The following KCNK13 variants were observed in gnomAD, a reference collection of about 807,000 sequenced individuals.
KCNK13 encodes the protein potassium channel subfamily K member 13.
Under a neutral mutation model 23.4 loss-of-function variants are expected in KCNK13, and 12 were observed. That is an observed-to-expected ratio of 0.51 (90% CI 0.33 to 0.83). KCNK13 has a LOEUF of 0.83. KCNK13 is among the 40% of genes least tolerant of loss of function. The probability of loss-of-function intolerance (pLI) is 0.02; values close to 1 mark genes in which losing one functional copy is unlikely to be tolerated. For missense variants in KCNK13, 463 were observed against 556.3 expected, an observed-to-expected ratio of 0.83 and a Z score of 1.69; for synonymous variants, 231 against 229.5, an observed-to-expected ratio of 1.01 and a Z score of -0.06.
At chr14:90,120,255 T>C (rs1889722540) in intron 1 of KCNK13, among the ~76,000 whole-genome samples, 1 of 152,216 alleles carries the variant, frequency 6.6e-6, no homozygotes, top group Non-Finnish European at 1.5e-5. Context: ...CTTATTCTTT[T>C]TATGACTGCA....
At chr14:90,116,953 T>C (rs1889684203) in intron 1 of KCNK13, among the ~76,000 whole-genome samples, 1 of 152,238 alleles carries the variant, frequency 6.6e-6, no homozygotes, top group South Asian at 2.1e-4. Flanking sequence ...CCTCAGATAC[T>C]ACTGAACCCT....
chr14:90,108,304 C>T (rs966320015), intron 1 of KCNK13, among the ~76,000 whole-genome samples: 3 of 152,112 alleles, frequency 2.0e-5, no homozygotes, highest in Non-Finnish European at 4.4e-5. Flanking sequence ...CTCCACGTGT[C>T]GGCATGCCTC....
intron 1 of KCNK13, among the ~76,000 whole-genome samples, chr14:90,168,414 GA>G (rs994857638): frequency 8.6e-5 from 13 of 152,022 alleles, no homozygotes; most frequent in African/African-American, 3.1e-4. Flanking sequence ...GGACCCCAGA[GA>G]TATTGTTATC....
intron 1 of KCNK13, among the ~76,000 whole-genome samples, chr14:90,122,049 C>A (rs1889745480): frequency 6.6e-6 from 1 of 151,958 alleles, no homozygotes; most frequent in Admixed American, 6.6e-5. Flanking sequence ...TATTTTATAT[C>A]TTTTTCTTAA....
intron 1 of KCNK13, among the ~76,000 whole-genome samples, chr14:90,181,841 G>C (rs1034232811): frequency 1.3e-5 from 2 of 152,160 alleles, no homozygotes; most frequent in Non-Finnish European, 2.9e-5. Context: ...CCGGCTTCTA[G>C]AATAAATGGC....
intron 1 of KCNK13, among the ~76,000 whole-genome samples, chr14:90,074,005 G>A (rs769929501): frequency 5.9e-5 from 9 of 151,752 alleles, no homozygotes; most frequent in Non-Finnish European, 1.0e-4. Flanking sequence ...ATGGGGGGAC[G>A]GAGCCCAGGC....
chr14:90,079,504 C>G (rs1044287405), intron 1 of KCNK13, among the ~76,000 whole-genome samples: 2 of 152,122 alleles, frequency 1.3e-5, no homozygotes, highest in African/African-American at 4.8e-5. Context: ...GGGGCCTACA[C>G]CACCCAGGTC....
intron 1 of KCNK13, among the ~76,000 whole-genome samples, chr14:90,101,602 A>G (rs896598374): frequency 1.3e-5 from 2 of 151,634 alleles, no homozygotes; most frequent in African/African-American, 4.8e-5. Context: ...CACCCTGCGC[A>G]ACATGGTGAA....
chr14:90,075,419 C>T (rs1199755591), intron 1 of KCNK13, among the ~76,000 whole-genome samples: 4 of 152,100 alleles, frequency 2.6e-5, no homozygotes, highest in African/African-American at 9.7e-5. Flanking sequence ...TGGAATCTAC[C>T]TTGTATCATC....
intron 1 of KCNK13, among the ~76,000 whole-genome samples, chr14:90,163,727 T>C (rs1890274477): frequency 6.6e-6 from 1 of 152,212 alleles, no homozygotes; most frequent in Admixed American, 6.5e-5. Flanking sequence ...TCTTGCTCTG[T>C]AGCCCAGGCT....
At chr14:90,177,006 G>A (rs749250422) in intron 1 of KCNK13, among the ~76,000 whole-genome samples, 1 of 151,944 alleles carries the variant, frequency 6.6e-6, no homozygotes. Context: ...GCGACAGAGC[G>A]GGACTCCATC....
At chr14:90,154,222 A>G (rs940411061) in intron 1 of KCNK13, among the ~76,000 whole-genome samples, 3 of 151,990 alleles carry the variant, frequency 2.0e-5, no homozygotes, top group African/African-American at 2.4e-5. Flanking sequence ...ACTACCCACA[A>G]TGCTGTGCTC....
chr14:90,070,882 G>A (rs1889066583), intron 1 of KCNK13, among the ~76,000 whole-genome samples: 1 of 152,114 alleles, frequency 6.6e-6, no homozygotes. Context: ...AGGGTGAGAG[G>A]GCCATACCTC....
At chr14:90,126,305 T>C (rs934282742) in intron 1 of KCNK13, among the ~76,000 whole-genome samples, 15 of 151,974 alleles carry the variant, frequency 9.9e-5, no homozygotes, top group Admixed American at 3.9e-4. Flanking sequence ...AAGCACAATA[T>C]GGAAACAGCA....
intron 1 of KCNK13, among the ~76,000 whole-genome samples, chr14:90,142,655 C>T (rs1030757155): frequency 2.6e-5 from 4 of 152,162 alleles, no homozygotes; most frequent in Non-Finnish European, 5.9e-5. Flanking sequence ...TTGTTAAAAA[C>T]ATGTTTCATT....
intron 1 of KCNK13, among the ~76,000 whole-genome samples, chr14:90,124,072 A>G (rs1321670924): frequency 1.3e-5 from 2 of 152,198 alleles, no homozygotes; most frequent in Non-Finnish European, 2.9e-5. Flanking sequence ...AGCTGCTTTC[A>G]TTATCCTACA....
chr14:90,118,935 C>T (rs1889706312), intron 1 of KCNK13, among the ~76,000 whole-genome samples: 1 of 152,082 alleles, frequency 6.6e-6, no homozygotes. Context: ...TCCAAATAAA[C>T]ACAACTAGAA....
intron 1 of KCNK13, among the ~76,000 whole-genome samples, chr14:90,109,778 G>A (rs192721782): frequency 6.6e-6 from 1 of 151,208 alleles, no homozygotes; most frequent in East Asian, 1.9e-4. Flanking sequence ...GTGCAATCAC[G>A]GCTCACTGTA....
intron 1 of KCNK13, among the ~76,000 whole-genome samples, chr14:90,142,500 A>C (rs555261499): frequency 4.5e-4 from 68 of 151,162 alleles, no homozygotes; most frequent in African/African-American, 1.7e-3. Flanking sequence ...TTTTATTTTT[A>C]GTAGAGATGG....
Sources: allele counts gnomAD v4.1 joint callset (sites outside exome capture counted in the v4.1 genomes callset), GRCh38; gene constraint gnomAD v4.1.1; transcripts MANE v1.5; gene names NCBI Gene and HGNC (gene_info 2026-07-23, HGNC 2026-07-21).